Variants in GSTK1 observed in about 807,000 individuals in gnomAD.
GSTK1 encodes the protein glutathione S-transferase kappa 1, also known as GST class-kappa.
GSTK1 carries 25 observed loss-of-function variants against 30.9 expected under a neutral mutation model. That is an observed-to-expected ratio of 0.81 (90% CI 0.59 to 1.13). The LOEUF (loss-of-function observed/expected upper bound fraction) is 1.13, where lower values mean the gene tolerates loss of function less well. Ranked by LOEUF, GSTK1 falls within the 50% of genes most tolerant of loss-of-function variation. The pLI is 0.00. For missense variants in GSTK1, 292 were observed against 292.4 expected, an observed-to-expected ratio of 1.00 and a Z score of 0.01; for synonymous variants, 108 against 112.5, an observed-to-expected ratio of 0.96 and a Z score of 0.25.
Position 143,264,120 on chromosome 7 carries a change from A to G in GSTK1, c.107A>G (p.Asn36Ser). Residue 36 changes from asparagine (N) to serine (S), a missense_variant, in exon 2 of 8, where the codon AAC becomes AGC. Transcript: ENST00000358406. ...CGGTATCAGAATATCTGGAACATCA[A>G]CCTGCAGTTGCGGCCCAGCCTCATA... ...LCRYQNIWNINLQLRPSLITG... is the reference protein window; with the variant it reads ...LCRYQNIWNISLQLRPSLITG... 6.2e-7 allele frequency: 1 copy of G among 1,613,842 alleles called. No individual in the cohort carries two copies. The highest frequency in any genetic ancestry group is 8.5e-7 in the Non-Finnish European group (1 of 1,179,922).
rs551049825 is a variant in GSTK1 at position 143,267,320 on chromosome 7, A to C, written c.421-297A>C. ...TGAGCAAGTAATGTATCACCTCTGG[A>C]TTCAGGCTCTTCATTTGTGAAATAA... On this transcript the variant is annotated intron_variant, in intron 5 of 7. Transcript: ENST00000358406. Among the ~76,000 whole-genome samples, 562 of 152,274 alleles carry C rather than the reference A, an allele frequency of 3.7e-3. 3 individuals are homozygous for C. Among genetic ancestry groups the C allele is most frequent in the Middle Eastern group, 0.01 (3 of 294 alleles).
chr7:143,268,233 C>T lies in GSTK1; in HGVS notation c.631+49C>T. 2 of 1,430,314 alleles carry T rather than the reference C, an allele frequency of 1.4e-6. No homozygotes were observed. Among genetic ancestry groups the T allele is most frequent in the Non-Finnish European group, 9.8e-7 (1 of 1,023,090 alleles). The allele number at this position is 1,430,314 out of a possible 1,614,324, so 88.6% of individuals were successfully genotyped here. ...CTGAGCCAGGTGCAGTGGCTCACGC[C>T]TGTAATCCCAGCACTTTGGTAGGCT... On this transcript the variant is annotated intron_variant, in intron 7 of 7. Transcript: ENST00000358406. The surrounding 1 kb of genome is among the most constrained non-coding windows in gnomAD (Gnocchi z 4.1).
At chr7:143,266,727 T>C (rs1800892114) in intron 5 of GSTK1, among the ~76,000 whole-genome samples, 1 of 143,852 alleles carries the variant, frequency 7.0e-6, no homozygotes. Flanking sequence ...AGTGGCATGA[T>C]CATGGCTCAC....
At chr7:143,267,056 A>G (rs1478659350) in intron 5 of GSTK1, among the ~76,000 whole-genome samples, 2 of 152,088 alleles carry the variant, frequency 1.3e-5, no homozygotes, top group Non-Finnish European at 2.9e-5. Flanking sequence ...CCCAAACTAT[A>G]CCAACAAACC....
intron 5 of GSTK1, among the ~76,000 whole-genome samples, chr7:143,265,718 TTATATAG>T (rs201070159): frequency 0.012 from 1,867 of 152,168 alleles, 14 homozygotes; most frequent in Non-Finnish European, 0.019. Flanking sequence ...AATGCCAGGG[TTATATAG>T]GAGCCTGAGT....
In GSTK1 at chr7:143,264,167, G is replaced by C. The variant is rs752571307; in HGVS notation, c.154G>C (p.Gly52Arg). The C allele has an allele frequency of 3.7e-6, 6 of 1,613,530 alleles. No homozygotes were observed. The highest frequency in any genetic ancestry group is 1.7e-4 in the Middle Eastern group (1 of 6,060). The stretch of plus-strand genomic sequence containing the variant: ...CATAACAGGGATCATGAAAGACAGT[G>C]GTAGGAAGGGAGGGTCGGGGCAGGG... ...SLITGIMKDS[G>R]NKPPGLLPRK... is the part of the protein sequence containing the mutation. Residue 52 changes from glycine to arginine, a missense_variant and splice_region_variant, in exon 2 of 8, where the codon GGA becomes CGA. Coordinates refer to ENST00000358406, the MANE Select transcript of GSTK1 (RefSeq NM_015917.3).
At chr7:143,264,228 G>A (rs990177179) in intron 2 of GSTK1, 61 bp downstream of exon 2, 193 of 1,427,310 alleles carry the variant, frequency 1.4e-4, no homozygotes, top group Non-Finnish European at 1.7e-4. Flanking sequence ...GACCCCAGCG[G>A]GTCCTTATAT....
intron 1 of GSTK1, 150 bp downstream of exon 1, chr7:143,263,735 A>G: frequency 2.9e-6 from 2 of 691,224 alleles, no homozygotes; most frequent in Non-Finnish European, 4.9e-6. Flanking sequence ...GCTGAAGGTC[A>G]CTTTGTGCTT....
At position 143,269,021 on chromosome 7, in the gene GSTK1, T is replaced by A. The variant is rs1800963955; in HGVS notation, c.*184T>A. 1.6e-6 allele frequency: 1 copy of A among 628,574 alleles called. No homozygotes were observed. Among genetic ancestry groups the A allele is most frequent in the Non-Finnish European group, 2.9e-6 (1 of 350,484 alleles). The allele number at this position is 628,574 out of a possible 1,614,324, so 38.9% of individuals were successfully genotyped here. ...CCAGGAAGACGTCCACCATTAGCCA[T>A]GTGGCAACCTTTACTTCTATGCCTC... is the stretch of plus-strand genomic sequence containing the variant. On this transcript the variant is annotated 3_prime_UTR_variant, in exon 8 of 8. Coordinates refer to ENST00000358406, the MANE Select transcript of GSTK1 (RefSeq NM_015917.3).
Position 143,264,564 on chromosome 7 carries a change from T to C in GSTK1, c.171T>C (p.Gly57=), listed in dbSNP as rs1800814950. 1.2e-6 allele frequency: 2 copies of C among 1,613,890 alleles called. No homozygotes were observed. Among genetic ancestry groups the C allele is most frequent in the African/African-American group, 2.7e-5 (2 of 74,918 alleles). Reference sequence around the variant, plus strand: ...TCCTGGCAGGAAACAAGCCTCCAGGTCTGCTTCCCCGCAAAGGACTATACA... The same window carrying C: ...TCCTGGCAGGAAACAAGCCTCCAGGCCTGCTTCCCCGCAAAGGACTATACA... ...IMKDSGNKPP[G]LLPRKGLYMA... Residue 57 remains glycine, a synonymous_variant, in exon 3 of 8, where the codon GGT becomes GGC. Coordinates refer to ENST00000358406, the MANE Select transcript of GSTK1 (RefSeq NM_015917.3).
rs199499365 is a variant in GSTK1 at position 143,267,679 on chromosome 7, G to C, written c.483G>C (p.Thr161=). ...AGGGACTTCTGGAAAAGATCGCAAC[G>C]CCAAAGGTGAAGAACCAGCTCAAGG... ...QAQGLLEKIA[T]PKVKNQLKET... Residue 161 remains threonine (T), a synonymous_variant, in exon 6 of 8, where the codon ACG becomes ACC. Coordinates refer to ENST00000358406, the MANE Select transcript of GSTK1 (RefSeq NM_015917.3). 1 of 1,614,010 alleles carries C rather than the reference G, an allele frequency of 6.2e-7. No homozygotes were observed. Among genetic ancestry groups the C allele is most frequent in the Non-Finnish European group, 8.5e-7 (1 of 1,180,030 alleles).
chr7:143,265,242 T>G lies in GSTK1; in HGVS notation c.385-19T>G. 1 of 1,605,584 alleles carries G rather than the reference T, an allele frequency of 6.2e-7. No individual in the cohort carries two copies. Among genetic ancestry groups the G allele is most frequent in the Non-Finnish European group, 8.5e-7 (1 of 1,176,110 alleles). On this transcript the variant is annotated intron_variant, in intron 4 of 7. Transcript: ENST00000358406. ...CCCTCTCCCCGCACCGCCTTCCTGC[T>G]GTCTTCTCTTCTTCCCAGAATGAAG...
In GSTK1 at chr7:143,268,430, G is replaced by A. The variant is rs1033155809; in HGVS notation, c.631+246G>A. ...GCGGAGGTTGCAGTGAGCCGAGATC[G>A]CGCCACTGCACTCCAGCCTGGGTGA... On this transcript the variant is annotated intron_variant, in intron 7 of 7. Transcript: ENST00000358406. This position sits in a 1 kb window ranked among gnomAD's most constrained non-coding sequence, Gnocchi z 4.1. 5.3e-5 allele frequency among the ~76,000 whole-genome samples: 8 copies of A among 152,204 alleles called. No individual in the cohort carries two copies. Among genetic ancestry groups the A allele is most frequent in the South Asian group, 2.1e-4 (1 of 4,828 alleles).
In GSTK1 at chr7:143,265,268, A is replaced by T. The variant is rs1800842519; in HGVS notation, c.392A>T (p.Asp131Val). Residue 131 changes from aspartate (D) to valine (V), a missense_variant, in exon 5 of 8, where the codon GAC (aspartate) becomes GTC (valine). Asp to Val is a radical substitution (Grantham distance 152, BLOSUM62 -3). Transcript: ENST00000358406. ...GTCTTCTCTTCTTCCCAGAATGAAGACATCACCGAGCCGCAGAGCATCCTG... is the reference window on the plus strand; with the variant it reads ...GTCTTCTCTTCTTCCCAGAATGAAGTCATCACCGAGCCGCAGAGCATCCTG... The part of the protein sequence containing the change: ...LWMRVWSRNE[D>V]ITEPQSILAA... 3 of 1,604,448 alleles carry T rather than the reference A, an allele frequency of 1.9e-6. No individual in the cohort carries two copies. The highest frequency in any genetic ancestry group is 2.6e-6 in the Non-Finnish European group (3 of 1,175,488).
rs1284017384 is a variant in GSTK1, at chr7:143,268,647, C to T, written c.632-141C>T. ...TGAGTGGGCAGGGGCTGTCTTCAAC[C>T]CCATAAAAGAAAAGGAAGCCTTCTA... On this transcript the variant is annotated intron_variant, in intron 7 of 7. Coordinates refer to ENST00000358406, the MANE Select transcript of GSTK1 (RefSeq NM_015917.3). This position sits in a 1 kb window ranked among gnomAD's most constrained non-coding sequence, Gnocchi z 4.1. 10 of 689,304 alleles carry T rather than the reference C, an allele frequency of 1.5e-5. No homozygotes were observed. Among genetic ancestry groups the T allele is most frequent in the Non-Finnish European group, 1.8e-5 (7 of 390,594 alleles). 42.7% of individuals were successfully genotyped at this position (689,304 alleles called of 1,614,324 possible).
intron 5 of GSTK1, among the ~76,000 whole-genome samples, chr7:143,266,059 C>G (rs558501166): frequency 1.8e-5 from 2 of 111,466 alleles, no homozygotes; most frequent in African/African-American, 7.2e-5. Flanking sequence ...GAGACACGGT[C>G]TGGCTCTGTC....
chr7:143,267,766 C>T, intron 6 of GSTK1, 33 bp downstream of exon 6: 7 of 1,419,958 alleles, frequency 4.9e-6, no homozygotes, highest in Non-Finnish European at 7.0e-6. Context: ...TCCCAGCACC[C>T]ATCCTGAAGA....
intron 2 of GSTK1, 173 bp from the exon 3 acceptor site, chr7:143,264,375 C>T (rs1800807614): frequency 6.3e-6 from 5 of 788,608 alleles, no homozygotes; most frequent in Non-Finnish European, 8.3e-6. Flanking sequence ...ACCCAGGAGG[C>T]GGAGGTTGCG....
intron 5 of GSTK1, 37 bp from the exon 6 acceptor site, chr7:143,267,580 T>A: frequency 1.4e-6 from 2 of 1,466,518 alleles, no homozygotes; most frequent in Non-Finnish European, 1.9e-6. Flanking sequence ...TCCAATATCA[T>A]GCAGACACAG....
Sources: allele counts gnomAD v4.1 joint callset (sites outside exome capture counted in the v4.1 genomes callset), GRCh38; gene constraint gnomAD v4.1.1; non-coding constraint Gnocchi (gnomAD v3.1); transcripts MANE v1.5; gene names NCBI Gene and HGNC (gene_info 2026-07-23, HGNC 2026-07-21).